The following OSBPL8 variants were observed in gnomAD, a reference collection of about 807,000 sequenced individuals.
The protein encoded by OSBPL8 is oxysterol binding protein like 8.
OSBPL8 carries 59 observed loss-of-function variants against 125.5 expected under a neutral mutation model. The ratio of observed to expected loss-of-function variants is 0.47; its 90% confidence interval spans 0.38 to 0.58. The LOEUF (loss-of-function observed/expected upper bound fraction) is 0.58, where lower values mean the gene tolerates loss of function less well. Among genes scored for constraint, OSBPL8 ranks in the 20% least tolerant of loss-of-function variants. OSBPL8 has a pLI of 0.00. For synonymous variants in OSBPL8, 330 were observed against 338.9 expected (o/e 0.97, Z 0.29); for missense variants, 758 against 1,047.8 (o/e 0.72, Z 3.82).
At chr12:76,485,428 C>G (rs1878024146) in intron 2 of OSBPL8, among the ~76,000 whole-genome samples, 1 of 151,964 alleles carries the variant, frequency 6.6e-6, no homozygotes, top group Non-Finnish European at 1.5e-5. Context: ...AAAAAATTAG[C>G]CAAGCATGGT....
intron 4 of OSBPL8, among the ~76,000 whole-genome samples, chr12:76,429,887 TAA>T (rs5799270): frequency 6.1e-5 from 9 of 148,544 alleles, no homozygotes; most frequent in Non-Finnish European, 7.5e-5. Context: ...ACAAGGGTTT[TAA>T]AAAAAAAAAA....
At chr12:76,445,831 A>G (rs1872669984) in intron 4 of OSBPL8, among the ~76,000 whole-genome samples, 1 of 152,168 alleles carries the variant, frequency 6.6e-6, no homozygotes, top group East Asian at 1.9e-4. Context: ...CACATGATTC[A>G]GCAATTGCAC....
At chr12:76,362,370 G>A (rs1363420615) in intron 21 of OSBPL8, among the ~76,000 whole-genome samples, 1 of 151,766 alleles carries the variant, frequency 6.6e-6, no homozygotes, top group Non-Finnish European at 1.5e-5. Context: ...ATGCAAGGCG[G>A]GTTCAACATA....
At chr12:76,484,497 T>TA (rs1877913098) in intron 2 of OSBPL8, among the ~76,000 whole-genome samples, 1 of 152,248 alleles carries the variant, frequency 6.6e-6, no homozygotes, top group Admixed American at 6.5e-5. Context: ...GATGTTTACG[T>TA]ATGTGTAGCC....
At chr12:76,509,803 G>C (rs75535291) in intron 1 of OSBPL8, among the ~76,000 whole-genome samples, 12,128 of 152,114 alleles carry the variant, frequency 0.08, 617 homozygotes, top group Admixed American at 0.12. Context: ...AGGAAGACAT[G>C]CAACAGGGGA....
At chr12:76,376,093 C>G (rs1410527281) in intron 16 of OSBPL8, among the ~76,000 whole-genome samples, 1 of 152,214 alleles carries the variant, frequency 6.6e-6, no homozygotes, top group Non-Finnish European at 1.5e-5. Flanking sequence ...TCACAGGAAT[C>G]CAATCTCATA....
intron 23 of OSBPL8, 29 bp from the exon 24 acceptor site, chr12:76,356,050 T>C: frequency 6.3e-7 from 1 of 1,591,954 alleles, no homozygotes; most frequent in Non-Finnish European, 8.6e-7. Flanking sequence ...ACAAATTTTG[T>C]AATGATTTGC....
chr12:76,397,782 G>A lies in OSBPL8; in HGVS notation c.584C>T (p.Ala195Val), dbSNP rs752689541. 1.1e-5 allele frequency: 17 copies of A among 1,614,040 alleles called. No individual in the cohort carries two copies. Among genetic ancestry groups the A allele is most frequent in the Non-Finnish European group, 1.4e-5 (17 of 1,179,978 alleles). Residue 195 changes from alanine to valine, a missense_variant, in exon 8 of 24, where the codon GCC becomes GTC. By Grantham distance (64) the Ala-to-Val change is moderately conservative (BLOSUM62 0). This residue lies in a region of OSBPL8 where 69 missense variants were observed against 148.7 expected (regional missense o/e 0.46). Transcript: ENST00000261183. ...TGATGGACGTTCAATGATTTCACAG[G>A]CATTCAGAAGAACTGTTCCTACCCA... ...GQWVGTVLLN[A>V]CEIIERPSKK...
intron 1 of OSBPL8, among the ~76,000 whole-genome samples, chr12:76,554,088 C>G (rs753301911): frequency 6.6e-6 from 1 of 151,128 alleles, no homozygotes; most frequent in Non-Finnish European, 1.5e-5. Flanking sequence ...ATACTGTTAT[C>G]TATTATGTTC....
chr12:76,431,260 TAA>T lies in OSBPL8; in HGVS notation c.217+19589_217+19590del, dbSNP rs1258061484. On this transcript the variant is annotated intron_variant, in intron 4 of 23. Transcript: ENST00000261183. ...AAAAATGCACAATAGATTAAAAAGC[TAA>T]AGAGAAAGGAAAGCACACCACTGCC... is the stretch of plus-strand genomic sequence containing the variant. Among the ~76,000 whole-genome samples, 3 of 127,914 alleles carry T rather than the reference TAA, an allele frequency of 2.3e-5. No individual in the cohort carries two copies. In the East Asian group the frequency reaches 6.5e-4, roughly 28 times the overall value. The allele number at this position is 127,914 out of a possible 152,430, so 83.9% of individuals were successfully genotyped here.
intron 11 of OSBPL8, 68 bp from the exon 12 acceptor site, chr12:76,389,897 T>C: frequency 7.9e-7 from 1 of 1,270,060 alleles, no homozygotes; most frequent in East Asian, 2.6e-5. Flanking sequence ...ACAAGCCAGC[T>C]AATGTTGAAA....
intron 5 of OSBPL8, among the ~76,000 whole-genome samples, 167 bp downstream of exon 5, chr12:76,410,397 A>T (rs981255596): frequency 6.6e-6 from 1 of 152,126 alleles, no homozygotes; most frequent in Non-Finnish European, 1.5e-5. Context: ...AGCCAACAAT[A>T]CTTATATTAG....
intron 1 of OSBPL8, among the ~76,000 whole-genome samples, chr12:76,512,835 T>C (rs1167852068): frequency 6.6e-6 from 1 of 152,230 alleles, no homozygotes; most frequent in Admixed American, 6.5e-5. Context: ...GGTTTTTCCA[T>C]TTGTCTGCAT....
At chr12:76,356,793 T>C in intron 22 of OSBPL8, 65 bp from the exon 23 acceptor site, 1 of 1,122,060 alleles carries the variant, frequency 8.9e-7, no homozygotes, top group Non-Finnish European at 1.3e-6. Flanking sequence ...TTAATGTGTC[T>C]CATGTAATAA....
intron 4 of OSBPL8, among the ~76,000 whole-genome samples, chr12:76,439,366 G>A (rs1871896749): frequency 6.6e-6 from 1 of 151,260 alleles, no homozygotes; most frequent in African/African-American, 2.4e-5. Context: ...GCGACAGAGT[G>A]AGACTCCATC....
intron 18 of OSBPL8, among the ~76,000 whole-genome samples, chr12:76,372,255 G>A (rs1296119109): frequency 6.6e-6 from 1 of 151,784 alleles, no homozygotes; most frequent in African/African-American, 2.4e-5. Flanking sequence ...ACCCAGGCTG[G>A]AGGGCAGTAG....
chr12:76,520,307 T>C (rs1211030890), intron 1 of OSBPL8, among the ~76,000 whole-genome samples: 2 of 152,208 alleles, frequency 1.3e-5, no homozygotes, highest in East Asian at 1.9e-4. Flanking sequence ...TTCCTTGGCA[T>C]GCAAAGTACT....
intron 1 of OSBPL8, among the ~76,000 whole-genome samples, chr12:76,487,976 A>G (rs1256467789): frequency 1.3e-5 from 2 of 152,238 alleles, no homozygotes; most frequent in Admixed American, 1.3e-4. Flanking sequence ...GAATGTGGGG[A>G]AACAGATATT....
At chr12:76,506,706 T>C (rs1880454696) in intron 1 of OSBPL8, among the ~76,000 whole-genome samples, 2 of 152,278 alleles carry the variant, frequency 1.3e-5, no homozygotes, top group South Asian at 2.1e-4. Flanking sequence ...TTCCACACCT[T>C]TGATAACAGT....
Sources: allele counts gnomAD v4.1 joint callset (sites outside exome capture counted in the v4.1 genomes callset), GRCh38; gene constraint gnomAD v4.1.1; regional missense constraint gnomAD v4.1.1; transcripts MANE v1.5; gene names NCBI Gene and HGNC (gene_info 2026-07-23, HGNC 2026-07-21).